UBP1: variants seen among roughly 807,000 people sequenced by gnomAD.
UBP1 encodes upstream-binding protein 1.
In UBP1, 22 loss-of-function variants were observed where a neutral mutation model predicts 76.1. The ratio of observed to expected loss-of-function variants is 0.29; its 90% CI spans 0.21 to 0.41. The LOEUF is 0.41. Among genes scored for constraint, UBP1 ranks in the 10% least tolerant of loss-of-function variants. The probability of loss-of-function intolerance (pLI) is 1.00; values close to 1 mark genes in which losing one functional copy is unlikely to be tolerated. For missense variants in UBP1, 436 were observed against 668.1 expected, an observed-to-expected ratio of 0.65 and a Z score of 3.83; for synonymous variants, 224 against 237.1, an observed-to-expected ratio of 0.94 and a Z score of 0.51.
chr3:33,441,134 A>C (rs2045295791), upstream of UBP1: 1 of 152,292 alleles, frequency 6.6e-6, no homozygotes, highest in African/African-American at 2.4e-5. Flanking sequence ...TGCCACAGTA[A>C]CAGCTACGCT....
Position 33,439,931 on chromosome 3 carries a change from G to A in UBP1, c.-83C>T. 6.7e-7 allele frequency: 1 copy of A among 1,489,174 alleles called. No individual in the cohort carries two copies. The highest frequency in any genetic ancestry group is 2.4e-5 in the East Asian group (1 of 41,092). 92.2% of individuals were successfully genotyped at this position (1,489,174 alleles called of 1,614,324 possible). A position where few individuals can be genotyped will look rare whatever the true frequency, so the allele number is the denominator to read the frequency against. On this transcript the variant is annotated 5_prime_UTR_variant, in exon 1 of 16. Transcript: ENST00000283629. The stretch of plus-strand genomic sequence containing the variant: ...CGGAGCTCCGCTGGCGCGTCCTGGG[G>A]GAGGGCGCGGGTGAAGCCTCCGGAG...
intron 8 of UBP1, among the ~76,000 whole-genome samples, chr3:33,407,544 AT>A (rs1200948943): frequency 1.4e-5 from 2 of 143,010 alleles, no homozygotes; most frequent in African/African-American, 5.4e-5. Context: ...ATTCGAATTT[AT>A]TTAAAAAAAA....
At chr3:33,439,411 T>G (rs981355191) in intron 1 of UBP1, among the ~76,000 whole-genome samples, 4 of 152,238 alleles carry the variant, frequency 2.6e-5, no homozygotes, top group Non-Finnish European at 5.9e-5. Context: ...ATGGGACTTG[T>G]AAATCACTTA....
At chr3:33,405,197 T>G (rs905257539) in intron 8 of UBP1, among the ~76,000 whole-genome samples, 1 of 152,156 alleles carries the variant, frequency 6.6e-6, no homozygotes. Context: ...GAAAAAAATT[T>G]TTAAAGATTT....
intron 2 of UBP1, among the ~76,000 whole-genome samples, chr3:33,423,219 T>C (rs1472318449): frequency 6.6e-6 from 1 of 152,094 alleles, no homozygotes; most frequent in Non-Finnish European, 1.5e-5. Flanking sequence ...TTTGTATTTC[T>C]AGTAGAGACG....
chr3:33,419,144 A>G (rs2044815661), intron 2 of UBP1, among the ~76,000 whole-genome samples: 2 of 152,180 alleles, frequency 1.3e-5, no homozygotes, highest in Admixed American at 6.5e-5. Context: ...CAAGGAATTG[A>G]AGAAGAGTCA....
chr3:33,430,397 G>A (rs1053363783), intron 1 of UBP1, among the ~76,000 whole-genome samples: 2 of 152,198 alleles, frequency 1.3e-5, no homozygotes, highest in Non-Finnish European at 2.9e-5. Context: ...ACCACTGACA[G>A]GTAGGGCTCC....
intron 3 of UBP1, among the ~76,000 whole-genome samples, chr3:33,414,970 G>T (rs995778041): frequency 7.2e-6 from 1 of 138,698 alleles, no homozygotes; most frequent in Non-Finnish European, 1.5e-5. Context: ...AGTTCATTAC[G>T]TCATAATGAG....
intron 1 of UBP1, among the ~76,000 whole-genome samples, chr3:33,432,645 A>T (rs2154059836): frequency 6.6e-6 from 1 of 152,342 alleles, no homozygotes; most frequent in East Asian, 1.9e-4. Flanking sequence ...CCAAAAAATT[A>T]CATGTTTCTA....
intron 14 of UBP1, 29 bp from the exon 15 acceptor site, chr3:33,392,643 C>G: frequency 6.4e-7 from 1 of 1,571,944 alleles, no homozygotes; most frequent in Non-Finnish European, 8.7e-7. Flanking sequence ...TGCGTAAGTA[C>G]AATTAAGATC....
At chr3:33,393,512 T>C in intron 13 of UBP1, 58 bp from the exon 14 acceptor site, 2 of 1,539,078 alleles carry the variant, frequency 1.3e-6, no homozygotes, top group Non-Finnish European at 1.8e-6. Flanking sequence ...ATCTGTTTTC[T>C]GCCTGATCTG....
Position 33,440,379 on chromosome 3 carries a change from T to G in UBP1, c.-531A>C, listed in dbSNP as rs533569235. 1 of 151,698 alleles carries G rather than the reference T, an allele frequency of 6.6e-6. No homozygotes were observed. Among genetic ancestry groups the G allele is most frequent in the South Asian group, 2.0e-4 (1 of 5,034 alleles). The allele number at this position is 151,698 out of a possible 1,614,324, so 9.4% of individuals were successfully genotyped here. ...GGCCGGACGCTGGCTTCAACGCGAC[T>G]CCGACTTAGGTTCACGCGCCGCTTC... On this transcript the variant is annotated 5_prime_UTR_variant, in exon 1 of 16. Coordinates refer to ENST00000283629, the MANE Select transcript of UBP1 (RefSeq NM_014517.5).
chr3:33,407,744 A>G (rs759351500), intron 8 of UBP1, among the ~76,000 whole-genome samples: 45 of 152,218 alleles, frequency 3.0e-4, no homozygotes, highest in Admixed American at 4.6e-4. Context: ...AGCAATTGCG[A>G]TATGTGTAAG....
intron 1 of UBP1, among the ~76,000 whole-genome samples, chr3:33,429,353 ATTTTTTT>A (rs568312502): frequency 6.9e-6 from 1 of 145,464 alleles, no homozygotes; most frequent in South Asian, 2.2e-4. Context: ...GTGTTTCTTT[ATTTTTTT>A]TTTTTTAAGA....
At position 33,394,374 on chromosome 3, in the gene UBP1, C is replaced by T. The variant is rs866999700; in HGVS notation, c.1391-920G>A. 9.2e-5 allele frequency among the ~76,000 whole-genome samples: 14 copies of T among 152,068 alleles called. No individual in the cohort carries two copies. The Middle Eastern group carries it at 0.01, about 112-fold the overall frequency. The stretch of plus-strand genomic sequence containing the variant: ...CATTATAGTTTTTGATCCAGTAATC[C>T]TACTACTAGGAATTTATCCTAAGGA... On this transcript the variant is annotated intron_variant, in intron 13 of 15. Coordinates refer to ENST00000283629, the MANE Select transcript of UBP1 (RefSeq NM_014517.5).
At chr3:33,394,824 T>G (rs1443351130) in intron 13 of UBP1, among the ~76,000 whole-genome samples, 2 of 151,354 alleles carry the variant, frequency 1.3e-5, no homozygotes, top group Non-Finnish European at 2.9e-5. Flanking sequence ...CTTGTTTTTT[T>G]TTTTTTTTTT....
chr3:33,405,458 ATTTATGATGAAAAAAC>A (rs2044393801), intron 8 of UBP1, among the ~76,000 whole-genome samples: 1 of 152,352 alleles, frequency 6.6e-6, no homozygotes, highest in African/African-American at 2.4e-5. Flanking sequence ...AGCTATTTAA[ATTTATGATGAAAAAAC>A]TTTATGATGA....
At chr3:33,415,326 G>GTCA in intron 3 of UBP1, among the ~76,000 whole-genome samples, 1 of 152,198 alleles carries the variant, frequency 6.6e-6, no homozygotes, top group Non-Finnish European at 1.5e-5. Context: ...TGGTCTGGAT[G>GTCA]TCAAAGTTTG....
At chr3:33,418,795 G>T (rs2044801426) in intron 2 of UBP1, among the ~76,000 whole-genome samples, 1 of 148,846 alleles carries the variant, frequency 6.7e-6, no homozygotes, top group Non-Finnish European at 1.5e-5. Context: ...GGAGGCGGAG[G>T]TTGCAGTAAG....
Sources: allele counts gnomAD v4.1 joint callset (sites outside exome capture counted in the v4.1 genomes callset), GRCh38; gene constraint gnomAD v4.1.1; transcripts MANE v1.5; gene names NCBI Gene and HGNC (gene_info 2026-07-23, HGNC 2026-07-21).